Variants in NR3C2 observed in about 807,000 individuals in gnomAD.
NR3C2 encodes the protein nuclear receptor subfamily 3 group C member 2.
Under a neutral mutation model 86.4 loss-of-function variants are expected in NR3C2, and 15 were observed. The ratio of observed to expected loss-of-function variants is 0.17; its 90% CI spans 0.12 to 0.27. The LOEUF (loss-of-function observed/expected upper bound fraction) is 0.27, where lower values mean the gene tolerates loss of function less well. NR3C2 is among the 10% of genes least tolerant of loss of function. The probability of loss-of-function intolerance (pLI) is 1.00; values close to 1 mark genes in which losing one functional copy is unlikely to be tolerated. For missense variants in NR3C2, 960 were observed against 1,195.6 expected, an observed-to-expected ratio of 0.80 and a Z score of 2.91; for synonymous variants, 458 against 450.5, an observed-to-expected ratio of 1.02 and a Z score of -0.21.
chr4:148,130,997 AT>A (rs1004664081), intron 6 of NR3C2, among the ~76,000 whole-genome samples: 18 of 151,136 alleles, frequency 1.2e-4, no homozygotes, highest in African/African-American at 4.1e-4. Flanking sequence ...TGCCTGGCTA[AT>A]TTTTTTTGTA....
At chr4:148,434,202 A>G (rs941607952) in intron 2 of NR3C2, among the ~76,000 whole-genome samples, 8 of 152,194 alleles carry the variant, frequency 5.3e-5, no homozygotes, top group African/African-American at 1.9e-4. Flanking sequence ...TATATAGTCC[A>G]TAAAGGAATA....
chr4:148,296,065 A>AAAAAAAAAAG (rs1346230095), intron 2 of NR3C2, among the ~76,000 whole-genome samples: 1 of 151,210 alleles, frequency 6.6e-6, no homozygotes, highest in African/African-American at 2.4e-5. Flanking sequence ...AAAAAAAAAA[A>AAAAAAAAAAG]AGAGAGAATG....
At chr4:148,195,248 C>T (rs938598998) in intron 3 of NR3C2, among the ~76,000 whole-genome samples, 2 of 152,204 alleles carry the variant, frequency 1.3e-5, no homozygotes, top group African/African-American at 4.8e-5. Flanking sequence ...ACCATTTATA[C>T]ATGTGACTTC....
At chr4:148,445,154 C>CA, upstream of NR3C2, among the ~76,000 whole-genome samples, 1 of 152,064 alleles carries the variant, frequency 6.6e-6, no homozygotes, top group Non-Finnish European at 1.5e-5. Flanking sequence ...CAAATGCACG[C>CA]ACCCCCTTCA....
chr4:148,313,452 T>C (rs145580951), intron 2 of NR3C2, among the ~76,000 whole-genome samples: 19 of 152,332 alleles, frequency 1.2e-4, no homozygotes, highest in Non-Finnish European at 2.6e-4. Flanking sequence ...TCTCCTTTAA[T>C]GTTTTGTAAG....
At chr4:148,134,098 T>C (rs894067261) in intron 6 of NR3C2, among the ~76,000 whole-genome samples, 1 of 152,202 alleles carries the variant, frequency 6.6e-6, no homozygotes. Context: ...AGCTGATACA[T>C]CATCTGCCTG....
intron 4 of NR3C2, among the ~76,000 whole-genome samples, chr4:148,179,241 T>C (rs1226499025): frequency 6.6e-6 from 1 of 151,546 alleles, no homozygotes; most frequent in Non-Finnish European, 1.5e-5. Flanking sequence ...TTGAGGATGC[T>C]ACTTGGAAAG....
chr4:148,252,796 T>C (rs755314867), intron 3 of NR3C2, among the ~76,000 whole-genome samples: 3 of 152,210 alleles, frequency 2.0e-5, no homozygotes, highest in Non-Finnish European at 4.4e-5. Flanking sequence ...CCTCTCTTGC[T>C]CTAATCTTCC....
chr4:148,289,812 T>C (rs940912733), intron 2 of NR3C2, among the ~76,000 whole-genome samples: 4 of 152,076 alleles, frequency 2.6e-5, no homozygotes, highest in Non-Finnish European at 5.9e-5. Context: ...CTTGCTCTGA[T>C]AATGCGAGGG....
chr4:148,252,051 T>C (rs1739603156), intron 3 of NR3C2, among the ~76,000 whole-genome samples: 1 of 152,158 alleles, frequency 6.6e-6, no homozygotes, highest in Non-Finnish European at 1.5e-5. Context: ...TCTTCCTTCT[T>C]ACTGGGTGAC....
chr4:148,228,785 G>A (rs903231519), intron 3 of NR3C2, among the ~76,000 whole-genome samples: 3 of 152,152 alleles, frequency 2.0e-5, no homozygotes, highest in African/African-American at 7.2e-5. Context: ...GGCTGGATAT[G>A]CAAAGCAGGA....
intron 2 of NR3C2, among the ~76,000 whole-genome samples, chr4:148,376,457 A>G (rs1746685190): frequency 6.6e-6 from 1 of 152,304 alleles, no homozygotes; most frequent in South Asian, 2.1e-4. Context: ...GTAGCCCCAC[A>G]TGCAATAGAC....
intron 3 of NR3C2, chr4:148,207,917 G>A (rs1020279455): frequency 3.3e-5 from 5 of 152,132 alleles, no homozygotes; most frequent in African/African-American, 9.7e-5. Context: ...ATAATAGACT[G>A]TAATAAAAGC....
At chr4:148,343,759 G>A (rs988879374) in intron 2 of NR3C2, among the ~76,000 whole-genome samples, 3 of 152,016 alleles carry the variant, frequency 2.0e-5, no homozygotes, top group Admixed American at 6.6e-5. Context: ...AAACTCACAC[G>A]CACAAACACA....
chr4:148,405,192 T>C (rs1480051051), intron 2 of NR3C2, among the ~76,000 whole-genome samples: 1 of 152,226 alleles, frequency 6.6e-6, no homozygotes, highest in Non-Finnish European at 1.5e-5. Flanking sequence ...TATATGTCTT[T>C]GTATAGAAAG....
intron 2 of NR3C2, among the ~76,000 whole-genome samples, chr4:148,374,265 T>C (rs1192719132): frequency 6.6e-6 from 1 of 152,198 alleles, no homozygotes; most frequent in Non-Finnish European, 1.5e-5. Context: ...AATTAAATAT[T>C]CACTACATTA....
chr4:148,378,561 T>C (rs1746793786), intron 2 of NR3C2, among the ~76,000 whole-genome samples: 1 of 152,140 alleles, frequency 6.6e-6, no homozygotes, highest in African/African-American at 2.4e-5. Flanking sequence ...GTTCTCCTGA[T>C]AGAGTTCTTA....
intron 2 of NR3C2, among the ~76,000 whole-genome samples, chr4:148,344,389 G>A (rs1402515008): frequency 5.3e-5 from 8 of 152,116 alleles, no homozygotes; most frequent in East Asian, 1.9e-4. Flanking sequence ...AAGCATGAGC[G>A]TTGAAGCTAA....
intron 2 of NR3C2, among the ~76,000 whole-genome samples, chr4:148,325,142 G>C (rs1035356638): frequency 3.6e-5 from 5 of 137,264 alleles, no homozygotes; most frequent in Admixed American, 1.4e-4. Flanking sequence ...GAATGAGAGA[G>C]AGAGAGAGAC....
Sources: gnomAD v4.1 joint callset for allele counts (sites outside exome capture counted in the v4.1 genomes callset) on GRCh38, gnomAD v4.1.1 for gene constraint, MANE v1.5 for transcripts, NCBI Gene and HGNC (gene_info 2026-07-23, HGNC 2026-07-21) for gene names.